Variants in FZD3 observed in about 807,000 individuals in gnomAD.
FZD3 encodes frizzled class receptor 3, also known as frizzled-3.
FZD3 carries 30 observed loss-of-function variants against 60.7 expected under a neutral mutation model. The observed-to-expected ratio is 0.49, with a 90% CI of 0.37 to 0.67. The LOEUF is 0.67. Ranked by LOEUF, FZD3 falls within the 30% of genes least tolerant of loss-of-function variation. The probability of loss-of-function intolerance (pLI) is 0.00; values close to 1 mark genes in which losing one functional copy is unlikely to be tolerated. For missense variants in FZD3, 605 were observed against 838.7 expected, an observed-to-expected ratio of 0.72 and a Z score of 3.44; for synonymous variants, 246 against 275.2, an observed-to-expected ratio of 0.89 and a Z score of 1.05.
At chr8:28,551,523 AAAAG>A in intron 5 of FZD3, 76 bp from the exon 6 acceptor site, 4 of 1,131,922 alleles carry the variant, frequency 3.5e-6, no homozygotes, top group Non-Finnish European at 5.1e-6. Flanking sequence ...TCTCAAAAGA[AAAAG>A]AAAAAGATTT....
chr8:28,531,942 C>T (rs1804886593), intron 5 of FZD3, among the ~76,000 whole-genome samples: 1 of 152,054 alleles, frequency 6.6e-6, no homozygotes, highest in Non-Finnish European at 1.5e-5. Context: ...ATTAAAATGG[C>T]CTGCTGTATT....
chr8:28,510,754 G>A (rs892092365), intron 3 of FZD3, among the ~76,000 whole-genome samples: 5 of 152,130 alleles, frequency 3.3e-5, no homozygotes, highest in Non-Finnish European at 5.9e-5. Flanking sequence ...AAATAACAGT[G>A]GGCCGGGCAC....
chr8:28,553,923 G>A lies in FZD3; in HGVS notation c.1554-1815G>A, dbSNP rs866811350. ...TAACGCTGTAAACAGCCATGTGATGGAGGACATCATTTTACAGATAAGGAA... is the reference window on the plus strand; with the variant it reads ...TAACGCTGTAAACAGCCATGTGATGAAGGACATCATTTTACAGATAAGGAA... On this transcript the variant is annotated intron_variant, in intron 6 of 7. Transcript: ENST00000240093. Among the ~76,000 whole-genome samples, 5 of 152,330 alleles carry A rather than the reference G, an allele frequency of 3.3e-5. No individual in the cohort carries two copies. The South Asian group carries it at 1.0e-3, about 32-fold the overall frequency.
Position 28,571,333 on chromosome 8 carries a change from T to C in FZD3, c.*8322T>C, listed in dbSNP as rs1335197313. ...TGAACTCATCTTGTCAGCAGAAACA[T>C]TTAATGTGAAATAATTCTGTATTTC... On this transcript the variant is annotated 3_prime_UTR_variant, in exon 8 of 8. Coordinates refer to ENST00000240093, the MANE Select transcript of FZD3 (RefSeq NM_017412.4). 2 of 152,208 alleles carry C rather than the reference T, an allele frequency of 1.3e-5. No homozygotes were observed. Among genetic ancestry groups the C allele is most frequent in the African/African-American group, 2.4e-5 (1 of 41,470 alleles). The allele number at this position is 152,208 out of a possible 1,614,324, so 9.4% of individuals were successfully genotyped here. A position where few individuals can be genotyped will look rare whatever the true frequency, so the allele number is the denominator to read the frequency against.
chr8:28,525,731 A>G (rs1804698824), intron 4 of FZD3, among the ~76,000 whole-genome samples: 1 of 152,190 alleles, frequency 6.6e-6, no homozygotes, highest in African/African-American at 2.4e-5. Flanking sequence ...CAGGAGCAGC[A>G]TATCTTTAAA....
chr8:28,544,568 G>A (rs1018049287), intron 5 of FZD3, among the ~76,000 whole-genome samples: 2 of 151,792 alleles, frequency 1.3e-5, no homozygotes, highest in Non-Finnish European at 2.9e-5. Flanking sequence ...TGAACTTTTG[G>A]CATTCCATTA....
intron 5 of FZD3, among the ~76,000 whole-genome samples, chr8:28,539,169 A>G (rs745842626): frequency 6.6e-6 from 1 of 152,152 alleles, no homozygotes; most frequent in Admixed American, 6.5e-5. Context: ...TGAGCCAGCA[A>G]AGCTTCATCT....
Position 28,519,959 on chromosome 8 carries a change from C to T in FZD3, c.190-679C>T, listed in dbSNP as rs529239719. On this transcript the variant is annotated intron_variant, in intron 3 of 7. Transcript: ENST00000240093. ...GTGTGGTGGCTCACACCTGTAATCC[C>T]GGCACTTTGGGAGTCTGAGGCAGAC... 3.3e-5 allele frequency among the ~76,000 whole-genome samples: 5 copies of T among 152,068 alleles called. No homozygotes were observed. In the East Asian group the frequency reaches 7.7e-4, roughly 24 times the overall value.
chr8:28,572,204 T>C lies in FZD3; in HGVS notation c.*9193T>C, dbSNP rs894074773. On this transcript the variant is annotated 3_prime_UTR_variant, in exon 8 of 8. Coordinates refer to ENST00000240093, the MANE Select transcript of FZD3 (RefSeq NM_017412.4). ...TTGCTACATGGTCGTAGTTGGATAA[T>C]ACAGCATTATTCTGAACTATCTGAA... is the stretch of plus-strand genomic sequence containing the variant. The C allele has an allele frequency of 4.6e-5, 7 of 152,206 alleles. No homozygotes were observed. Among genetic ancestry groups the C allele is most frequent in the Admixed American group, 2.0e-4 (3 of 15,280 alleles). The allele number at this position is 152,206 out of a possible 1,614,324, so 9.4% of individuals were successfully genotyped here.
At chr8:28,537,182 G>A (rs1016668747) in intron 5 of FZD3, among the ~76,000 whole-genome samples, 4 of 152,082 alleles carry the variant, frequency 2.6e-5, no homozygotes, top group East Asian at 1.9e-4. Flanking sequence ...TACAGAATAC[G>A]ACATGAAGGA....
chr8:28,559,899 A>G (rs777772878), intron 7 of FZD3, among the ~76,000 whole-genome samples: 38 of 152,228 alleles, frequency 2.5e-4, no homozygotes, highest in Non-Finnish European at 5.0e-4. Flanking sequence ...CTGGATAATT[A>G]TTGATCTCTG....
chr8:28,547,566 T>A (rs1424295227), intron 5 of FZD3, among the ~76,000 whole-genome samples: 1 of 152,246 alleles, frequency 6.6e-6, no homozygotes, highest in Non-Finnish European at 1.5e-5. Context: ...GACTTTTGGA[T>A]CTTACCTATT....
intron 5 of FZD3, among the ~76,000 whole-genome samples, chr8:28,534,612 C>G (rs1804963832): frequency 1.3e-5 from 2 of 152,108 alleles, no homozygotes; most frequent in African/African-American, 4.8e-5. Flanking sequence ...CAATAACTCC[C>G]CATTCTTCTT....
chr8:28,536,765 A>T (rs1400874486), intron 5 of FZD3, among the ~76,000 whole-genome samples: 1 of 152,214 alleles, frequency 6.6e-6, no homozygotes, highest in African/African-American at 2.4e-5. Flanking sequence ...TCTTCTGAGC[A>T]CACAAGGCAT....
intron 3 of FZD3, among the ~76,000 whole-genome samples, chr8:28,516,420 A>G (rs974795231): frequency 6.6e-6 from 1 of 152,166 alleles, no homozygotes; most frequent in African/African-American, 2.4e-5. Context: ...CAGCTTTTCC[A>G]TTTCTGCAAC....
intron 3 of FZD3, among the ~76,000 whole-genome samples, chr8:28,520,270 G>A (rs186477165): frequency 4.0e-5 from 6 of 148,446 alleles, no homozygotes; most frequent in Admixed American, 4.0e-4. Context: ...GGAAGAAAAC[G>A]AAAATTTCTT....
At chr8:28,561,090 CTT>C (rs1483763616) in intron 7 of FZD3, among the ~76,000 whole-genome samples, 1 of 152,124 alleles carries the variant, frequency 6.6e-6, no homozygotes, top group Non-Finnish European at 1.5e-5. Flanking sequence ...GAGTTTCGCT[CTT>C]GTCACCCAGG....
intron 3 of FZD3, among the ~76,000 whole-genome samples, chr8:28,508,425 C>CTT (rs35048077): frequency 1.5e-5 from 2 of 129,844 alleles, no homozygotes; most frequent in African/African-American, 2.9e-5. Context: ...CTAGGGAATA[C>CTT]TTTTTTTTTT....
At chr8:28,535,356 C>T (rs1342809027) in intron 5 of FZD3, among the ~76,000 whole-genome samples, 1 of 152,118 alleles carries the variant, frequency 6.6e-6, no homozygotes, top group Non-Finnish European at 1.5e-5. Flanking sequence ...TCTTATATCA[C>T]TATGGTACAT....
Sources: allele counts gnomAD v4.1 joint callset (sites outside exome capture counted in the v4.1 genomes callset), GRCh38; gene constraint gnomAD v4.1.1; transcripts MANE v1.5; gene names NCBI Gene and HGNC (gene_info 2026-07-23, HGNC 2026-07-21).